THSD7B: variants seen among roughly 807,000 people sequenced by gnomAD.
The protein encoded by THSD7B is thrombospondin type 1 domain containing 7B.
A neutral mutation model predicts 213.6 loss-of-function variants in THSD7B; 138 were observed. The ratio of observed to expected loss-of-function variants is 0.65; its 90% CI spans 0.56 to 0.74. THSD7B has a LOEUF of 0.74. Among genes scored for constraint, THSD7B ranks in the 30% least tolerant of loss-of-function variants. THSD7B has a pLI of 0.00. For synonymous variants in THSD7B, 742 were observed against 687.0 expected, an observed-to-expected ratio of 1.08 and a Z score of -1.25; for missense variants, 1,931 against 1,991.5, an observed-to-expected ratio of 0.97 and a Z score of 0.58.
chr2:137,051,151 G>A (rs1687064679), intron 2 of THSD7B, among the ~76,000 whole-genome samples: 1 of 152,162 alleles, frequency 6.6e-6, no homozygotes, highest in South Asian at 2.1e-4. Flanking sequence ...TGTTAATACT[G>A]TGTATAAAGT....
intron 15 of THSD7B, among the ~76,000 whole-genome samples, chr2:137,532,711 C>T (rs1680421612): frequency 6.6e-6 from 1 of 151,656 alleles, no homozygotes; most frequent in Admixed American, 6.6e-5. Flanking sequence ...CTAATTCTTT[C>T]TCTGTTGTAA....
intron 5 of THSD7B, among the ~76,000 whole-genome samples, chr2:137,151,615 T>G (rs1558939401): frequency 6.6e-6 from 1 of 152,092 alleles, no homozygotes; most frequent in Admixed American, 6.5e-5. Flanking sequence ...AGTTAATTAC[T>G]TTGGTAAGTA....
intron 2 of THSD7B, among the ~76,000 whole-genome samples, chr2:136,887,510 G>A (rs1683740010): frequency 6.6e-6 from 1 of 152,250 alleles, no homozygotes; most frequent in African/African-American, 2.4e-5. Flanking sequence ...CATCCTGGCA[G>A]TAGTGAGTGA....
intron 2 of THSD7B, among the ~76,000 whole-genome samples, chr2:137,053,967 A>C (rs1178289325): frequency 6.6e-6 from 1 of 152,210 alleles, no homozygotes; most frequent in Non-Finnish European, 1.5e-5. Context: ...GGCAATAATA[A>C]AAATTTATAT....
intron 1 of THSD7B, among the ~76,000 whole-genome samples, chr2:136,828,419 T>C (rs1461135271): frequency 1.3e-5 from 2 of 152,200 alleles, no homozygotes; most frequent in Non-Finnish European, 2.9e-5. Flanking sequence ...GTCAAACATG[T>C]CATCATTTCT....
chr2:136,806,738 C>T (rs1297888940), intron 1 of THSD7B, among the ~76,000 whole-genome samples: 1 of 152,176 alleles, frequency 6.6e-6, no homozygotes, highest in Non-Finnish European at 1.5e-5. Flanking sequence ...ACTTTCTGCG[C>T]TTCATTTTTA....
intron 1 of THSD7B, among the ~76,000 whole-genome samples, chr2:136,791,207 C>T (rs1681958683): frequency 6.6e-6 from 1 of 151,762 alleles, no homozygotes; most frequent in African/African-American, 2.4e-5. Flanking sequence ...GGTTTTCTCC[C>T]CTCCAAAAAT....
chr2:137,635,439 A>T (rs1366452221), intron 20 of THSD7B, among the ~76,000 whole-genome samples: 1 of 152,220 alleles, frequency 6.6e-6, no homozygotes, highest in Non-Finnish European at 1.5e-5. Flanking sequence ...TATGGCAGCA[A>T]GCTTCACTAT....
At chr2:137,284,959 A>G (rs550857771) in intron 12 of THSD7B, among the ~76,000 whole-genome samples, 10 of 152,078 alleles carry the variant, frequency 6.6e-5, no homozygotes, top group African/African-American at 2.4e-4. Flanking sequence ...TATCCTTGTT[A>G]ACTTTCTGTC....
At chr2:137,319,188 G>A (rs913390090) in intron 12 of THSD7B, among the ~76,000 whole-genome samples, 2 of 151,826 alleles carry the variant, frequency 1.3e-5, no homozygotes, top group African/African-American at 2.4e-5. Context: ...ACAAAAAAAA[G>A]GGAGTTAAGA....
chr2:137,413,371 T>C (rs796202468), intron 14 of THSD7B, among the ~76,000 whole-genome samples: 5 of 152,244 alleles, frequency 3.3e-5, no homozygotes, highest in African/African-American at 1.2e-4. Context: ...GAGTGTACAG[T>C]TAAGGAGAAG....
At chr2:137,361,867 C>A (rs1026035483) in intron 12 of THSD7B, among the ~76,000 whole-genome samples, 9 of 152,216 alleles carry the variant, frequency 5.9e-5, no homozygotes, top group African/African-American at 2.2e-4. Context: ...CATTCAAATT[C>A]AGGAAATACA....
In THSD7B at chr2:137,221,648, G is replaced by A. The variant is rs116628535; in HGVS notation, c.1724-9396G>A. ...ACGTGTTATGGTCAAGAATATTTTT[G>A]GGGTGTTATTTATCACAGAGAAATT... On this transcript the variant is annotated intron_variant, in intron 7 of 27. Coordinates refer to ENST00000409968, the MANE Select transcript of THSD7B (RefSeq NM_001316349.2). Among the ~76,000 whole-genome samples, 243 of 152,238 alleles carry A rather than the reference G, an allele frequency of 1.6e-3. 2 individuals are homozygous for A. The highest frequency in any genetic ancestry group is 5.6e-3 in the African/African-American group (231 of 41,536).
At chr2:137,011,650 G>C (rs2116537) in intron 2 of THSD7B, among the ~76,000 whole-genome samples, 76,687 of 152,084 alleles carry the variant, frequency 0.5, 23,496 homozygotes, top group Non-Finnish European at 0.66. Context: ...TCTCCAGCAG[G>C]TGCTTCTGCT....
intron 17 of THSD7B, among the ~76,000 whole-genome samples, chr2:137,612,793 C>G (rs1682312290): frequency 6.6e-6 from 1 of 152,066 alleles, no homozygotes; most frequent in Admixed American, 6.6e-5. Context: ...AATAATCTTA[C>G]ATTTTCCAAG....
rs554291750 is a variant in THSD7B, at chr2:137,638,498, C to T, written c.3800-3990C>T. Among the ~76,000 whole-genome samples, 217 of 152,246 alleles carry T rather than the reference C, an allele frequency of 1.4e-3. 1 individual carries two copies. Among genetic ancestry groups the T allele is most frequent in the Middle Eastern group, 0.014 (4 of 294 alleles). ...GTTTTCTTCCCAGTCTTGGATATGT[C>T]TTTATCAGCAGTGTGAAAACAGATT... On this transcript the variant is annotated intron_variant, in intron 20 of 27. Coordinates refer to ENST00000409968, the MANE Select transcript of THSD7B (RefSeq NM_001316349.2).
intron 15 of THSD7B, among the ~76,000 whole-genome samples, chr2:137,542,842 G>C (rs1440432557): frequency 6.6e-6 from 1 of 151,752 alleles, no homozygotes; most frequent in Non-Finnish European, 1.5e-5. Context: ...ATAGAAGTGA[G>C]AGCCTGAAAA....
rs540850119 is a variant in THSD7B, at chr2:136,851,473, G to T, written c.-35-30671G>T. Among the ~76,000 whole-genome samples the T allele has an allele frequency of 2.0e-5, 3 of 152,142 alleles. No individual in the cohort carries two copies. In the South Asian group the frequency reaches 6.2e-4, roughly 32 times the overall value. Reference sequence around the variant, plus strand: ...TTAAAGTTTTCTTTGACTACTTTTAGGCTAACATTTATGTCATTGTATTGT... The same window carrying T: ...TTAAAGTTTTCTTTGACTACTTTTATGCTAACATTTATGTCATTGTATTGT... On this transcript the variant is annotated intron_variant, in intron 1 of 27. Coordinates refer to ENST00000409968, the MANE Select transcript of THSD7B (RefSeq NM_001316349.2).
At chr2:137,118,214 A>C (rs1357430361) in intron 5 of THSD7B, among the ~76,000 whole-genome samples, 1 of 152,202 alleles carries the variant, frequency 6.6e-6, no homozygotes, top group Non-Finnish European at 1.5e-5. Flanking sequence ...AGTGATGCTT[A>C]CCTGCAAAAT....
Sources: gnomAD v4.1 joint callset for allele counts (sites outside exome capture counted in the v4.1 genomes callset) on GRCh38, gnomAD v4.1.1 for gene constraint, MANE v1.5 for transcripts, NCBI Gene and HGNC (gene_info 2026-07-23, HGNC 2026-07-21) for gene names.